The following LINGO2 variants were observed in gnomAD, a reference collection of about 807,000 sequenced individuals.
The protein encoded by LINGO2 is leucine rich repeat and Ig domain containing 2.
Under a neutral mutation model 30.6 loss-of-function variants are expected in LINGO2, and 14 were observed. The observed-to-expected ratio is 0.46, with a 90% CI of 0.30 to 0.72. LINGO2 has a LOEUF of 0.72. Among genes scored for constraint, LINGO2 ranks in the 30% least tolerant of loss-of-function variants. The probability of loss-of-function intolerance (pLI) is 0.07; values close to 1 mark genes in which losing one functional copy is unlikely to be tolerated. For synonymous variants in LINGO2, 317 were observed against 288.5 expected (o/e 1.10, Z -1.00); for missense variants, 729 against 751.7 (o/e 0.97, Z 0.35).
chr9:28,712,283 G>T, the LINGO2 span, among the ~76,000 whole-genome samples: 1 of 151,992 alleles, frequency 6.6e-6, no homozygotes, highest in African/African-American at 2.4e-5. Flanking sequence ...ATTCAGCATT[G>T]CACCCACTTG....
At chr9:28,819,351 TC>T in the LINGO2 span, among the ~76,000 whole-genome samples, 1 of 151,990 alleles carries the variant, frequency 6.6e-6, no homozygotes, top group East Asian at 1.9e-4. Flanking sequence ...TCATCCTTCT[TC>T]CCCTCCCCTC....
chr9:28,737,763 G>C, the LINGO2 span, among the ~76,000 whole-genome samples: 1 of 151,468 alleles, frequency 6.6e-6, no homozygotes, highest in South Asian at 2.1e-4. Flanking sequence ...TTTTTCTTGG[G>C]GTTCTCATTG....
the LINGO2 span, among the ~76,000 whole-genome samples, chr9:29,162,089 T>G: frequency 2.0e-5 from 3 of 152,094 alleles, no homozygotes. Context: ...ATGGCTAATT[T>G]TTGTATTTTG....
chr9:29,144,098 C>T, the LINGO2 span, among the ~76,000 whole-genome samples: 35,707 of 151,822 alleles, frequency 0.24, 4,341 homozygotes, highest in East Asian at 0.4. Flanking sequence ...GTCTTACTTC[C>T]GGGCTCTTAC....
At chr9:29,036,619 C>T in the LINGO2 span, among the ~76,000 whole-genome samples, 1 of 151,896 alleles carries the variant, frequency 6.6e-6, no homozygotes, top group African/African-American at 2.4e-5. Context: ...TGGGAGAGAT[C>T]GGAAATCTAG....
At chr9:28,924,549 AACAG>A in the LINGO2 span, among the ~76,000 whole-genome samples, 1 of 152,048 alleles carries the variant, frequency 6.6e-6, no homozygotes, top group African/African-American at 2.4e-5. Flanking sequence ...AAATCAAATA[AACAG>A]ACAAACAAAC....
chr9:28,898,983 G>A, the LINGO2 span, among the ~76,000 whole-genome samples: 2 of 152,098 alleles, frequency 1.3e-5, no homozygotes, highest in African/African-American at 2.4e-5. Context: ...TTATGGTGAA[G>A]ACATCAGCAA....
intron 4 of LINGO2, among the ~76,000 whole-genome samples, chr9:28,158,079 A>G (rs1828185454): frequency 6.6e-6 from 1 of 152,078 alleles, no homozygotes; most frequent in Non-Finnish European, 1.5e-5. Context: ...TTACCAATTT[A>G]CTATATTAGT....
At chr9:28,512,457 C>T (rs902802632) in intron 1 of LINGO2, among the ~76,000 whole-genome samples, 23 of 151,610 alleles carry the variant, frequency 1.5e-4, no homozygotes, top group African/African-American at 5.1e-4. Flanking sequence ...CTGGGTCATA[C>T]GGCCCAAGTG....
Position 28,473,374 on chromosome 9 carries a change from G to T in LINGO2, c.-279+2566C>A, listed in dbSNP as rs146979334. On this transcript the variant is annotated intron_variant, in intron 2 of 5. Transcript: ENST00000379992. The stretch of plus-strand genomic sequence containing the variant: ...CTCCATTCTGTGGTCGTCTCACCTT[G>T]ATCTGATAAAATATCTAGAGCCTCT... Among the ~76,000 whole-genome samples the T allele has an allele frequency of 3.9e-3, 585 of 151,608 alleles. 4 individuals carry two copies. Among genetic ancestry groups the T allele is most frequent in the African/African-American group, 0.013 (543 of 41,370 alleles).
At chr9:28,818,171 T>A in the LINGO2 span, among the ~76,000 whole-genome samples, 1 of 152,300 alleles carries the variant, frequency 6.6e-6, no homozygotes, top group East Asian at 1.9e-4. Flanking sequence ...ATTCTGTCCA[T>A]CATACATGCA....
At chr9:29,058,081 A>G in the LINGO2 span, among the ~76,000 whole-genome samples, 1 of 152,134 alleles carries the variant, frequency 6.6e-6, no homozygotes, top group African/African-American at 2.4e-5. Context: ...CACATTTAAA[A>G]CGGCAAGAAA....
At chr9:29,139,058 G>A in the LINGO2 span, among the ~76,000 whole-genome samples, 1 of 152,142 alleles carries the variant, frequency 6.6e-6, no homozygotes, top group African/African-American at 2.4e-5. Context: ...ATTTAACAAA[G>A]CCAGCTGCTA....
At chr9:28,903,665 G>A in the LINGO2 span, among the ~76,000 whole-genome samples, 5 of 151,994 alleles carry the variant, frequency 3.3e-5, no homozygotes, top group African/African-American at 9.7e-5. Context: ...TTTTGTAGAG[G>A]TGGGGTCTTG....
At chr9:28,189,301 A>AAGGG (rs1564028738) in intron 4 of LINGO2, among the ~76,000 whole-genome samples, 3 of 12,712 alleles carry the variant, frequency 2.4e-4, no homozygotes, top group Admixed American at 1.1e-3. Flanking sequence ...GGAAGGAAGG[A>AAGGG]AGGGAGGAAG....
the LINGO2 span, among the ~76,000 whole-genome samples, chr9:29,205,810 T>C: frequency 6.6e-6 from 1 of 152,216 alleles, no homozygotes; most frequent in Non-Finnish European, 1.5e-5. Context: ...TTTACAGATT[T>C]GTGCAACCAT....
rs148425764 is a variant in LINGO2 at position 28,443,528 on chromosome 9, G to A, written c.-279+32412C>T. 2.6e-5 allele frequency among the ~76,000 whole-genome samples: 4 copies of A among 152,336 alleles called. No individual in the cohort carries two copies. The East Asian group carries it at 5.8e-4, about 22-fold the overall frequency. ...AGCACCCTACCCCCTCAGGCTTGAT[G>A]TGCCTGCTCCTGCTCCCTGGCCTCT... On this transcript the variant is annotated intron_variant, in intron 2 of 5. Transcript: ENST00000379992.
At chr9:28,207,875 T>G (rs1488534713) in intron 4 of LINGO2, among the ~76,000 whole-genome samples, 1 of 152,164 alleles carries the variant, frequency 6.6e-6, no homozygotes, top group Non-Finnish European at 1.5e-5. Flanking sequence ...GAGGGTGTTT[T>G]TTTTTTAAAT....
chr9:28,861,057 T>C, the LINGO2 span, among the ~76,000 whole-genome samples: 6 of 126,222 alleles, frequency 4.8e-5, no homozygotes, highest in Non-Finnish European at 7.9e-5. Flanking sequence ...AAATGTATAA[T>C]ATGTATTATT....
Sources: gnomAD v4.1 joint callset for allele counts (sites outside exome capture counted in the v4.1 genomes callset) on GRCh38, gnomAD v4.1.1 for gene constraint, MANE v1.5 for transcripts, NCBI Gene and HGNC (gene_info 2026-07-23, HGNC 2026-07-21) for gene names.